Variants in SGO2 observed in about 807,000 individuals in gnomAD.
SGO2 encodes the protein shugoshin 2.
A neutral mutation model predicts 99.5 loss-of-function variants in SGO2; 68 were observed. The ratio of observed to expected loss-of-function variants is 0.68; its 90% CI spans 0.56 to 0.84. The LOEUF (loss-of-function observed/expected upper bound fraction) is 0.84. SGO2 is among the 40% of genes least tolerant of loss of function. The pLI is 0.00. For missense variants in SGO2, 1,350 were observed against 1,436.7 expected, an observed-to-expected ratio of 0.94 and a Z score of 0.97; for synonymous variants, 457 against 487.1, an observed-to-expected ratio of 0.94 and a Z score of 0.81.
intron 5 of SGO2, among the ~76,000 whole-genome samples, chr2:200,548,729 TAATA>T (rs1156283145): frequency 6.6e-6 from 1 of 152,036 alleles, no homozygotes; most frequent in African/African-American, 2.4e-5. Flanking sequence ...GAGAGGACTA[TAATA>T]AATAAAATCA....
chr2:200,543,890 A>G (rs1188452693), intron 5 of SGO2, among the ~76,000 whole-genome samples: 1 of 152,236 alleles, frequency 6.6e-6, no homozygotes, highest in Non-Finnish European at 1.5e-5. Flanking sequence ...TATTATACAT[A>G]TTCAAACATG....
chr2:200,532,823 A>G (rs560003769), intron 1 of SGO2, among the ~76,000 whole-genome samples, 151 bp from the exon 2 acceptor site: 1 of 152,318 alleles, frequency 6.6e-6, no homozygotes, highest in South Asian at 2.1e-4. Flanking sequence ...ACTTTTGATT[A>G]CATTCATACT....
chr2:200,583,575 CTTTG>C lies in SGO2; in HGVS notation c.*112_*115del. The C allele has an allele frequency of 1.1e-6, 1 of 947,356 alleles. No individual in the cohort carries two copies. The highest frequency in any genetic ancestry group is 1.5e-6 in the Non-Finnish European group (1 of 651,270). 58.7% of individuals were successfully genotyped at this position (947,356 alleles called of 1,614,324 possible). ...TAATGAAAAGGTTTTTTTTTTGTTT[CTTTG>C]GCCTTTCATGGAGTGTTGATTTGTC... On this transcript the variant is annotated 3_prime_UTR_variant, in exon 9 of 9. Transcript: ENST00000357799.
chr2:200,563,764 A>G (rs1259078726), intron 5 of SGO2, among the ~76,000 whole-genome samples: 1 of 152,214 alleles, frequency 6.6e-6, no homozygotes. Flanking sequence ...CAGGGATTCA[A>G]CTTCTTCCTG....
rs767191207 is a variant in SGO2, at chr2:200,571,723, GATGA to G, written c.1383_1386del (p.Glu462SerfsTer5). ...TTTTCAATAATGAACAGCTGGCTCA[GATGA>G]ATGAACAGCTGGCTCAGGTGAATGA... is the stretch of plus-strand genomic sequence containing the variant. On this transcript the variant is annotated frameshift_variant, in exon 7 of 9. Transcript: ENST00000357799. LOFTEE classifies it high-confidence loss of function. 42 of 1,613,506 alleles carry G rather than the reference GATGA, an allele frequency of 2.6e-5. No individual in the cohort carries two copies. The highest frequency in any genetic ancestry group is 3.4e-5 in the Non-Finnish European group (40 of 1,179,684).
intron 7 of SGO2, 132 bp from the exon 8 acceptor site, chr2:200,575,179 T>C (rs972125379): frequency 8.5e-6 from 4 of 471,898 alleles, no homozygotes; most frequent in Non-Finnish European, 1.5e-5. Flanking sequence ...CAAATGTTAG[T>C]CTCTTTCCTC....
chr2:200,579,547 C>T (rs1339912934), intron 8 of SGO2, among the ~76,000 whole-genome samples: 2 of 152,086 alleles, frequency 1.3e-5, no homozygotes, highest in African/African-American at 4.8e-5. Context: ...CCCTTGATGC[C>T]TATTGAGTGT....
chr2:200,559,442 GTTTC>G (rs1039902996), intron 5 of SGO2, among the ~76,000 whole-genome samples: 12 of 151,728 alleles, frequency 7.9e-5, no homozygotes, highest in East Asian at 1.9e-4. Context: ...GCTCTTTATT[GTTTC>G]TTTCTGTTTT....
chr2:200,569,666 T>A lies in SGO2; in HGVS notation c.477T>A (p.Val159=). 2.5e-6 allele frequency: 4 copies of A among 1,600,862 alleles called. No homozygotes were observed. Among genetic ancestry groups the A allele is most frequent in the Non-Finnish European group, 3.4e-6 (4 of 1,173,992 alleles). Reference sequence around the variant, plus strand: ...TTTCCTTCCCACTTGCCTTTAGGGTTCCATTAACTTCAAATGATGATGAAG... The same window carrying A: ...TTTCCTTCCCACTTGCCTTTAGGGTACCATTAACTTCAAATGATGATGAAG... ...CKLMRLPFAR[V]PLTSNDDEDE... is the part of the protein sequence containing the mutation. The change falls in exon 6 of 9, where the codon GTT becomes GTA. Residue 159 remains valine (V), a synonymous_variant. Coordinates refer to ENST00000357799, the MANE Select transcript of SGO2 (RefSeq NM_152524.6).
chr2:200,575,462 G>A lies in SGO2; in HGVS notation c.3782+1G>A, dbSNP rs774800635. On this transcript the variant is annotated splice_donor_variant, in intron 8 of 8. Transcript: ENST00000357799. LOFTEE classifies it high-confidence loss of function. ...ATTTTAAAGAGCCAAGCCTCAGAGAGTAAGTATTTCAAATGATTTTAGTAT... is the reference window on the plus strand; with the variant it reads ...ATTTTAAAGAGCCAAGCCTCAGAGAATAAGTATTTCAAATGATTTTAGTAT... 1.9e-6 allele frequency: 3 copies of A among 1,554,922 alleles called. No individual in the cohort carries two copies. Among genetic ancestry groups the A allele is most frequent in the Non-Finnish European group, 2.6e-6 (3 of 1,146,824 alleles).
rs780182664 is a variant in SGO2, at chr2:200,573,146, C to A, written c.2800C>A (p.Gln934Lys). 1 of 1,588,088 alleles carries A rather than the reference C, an allele frequency of 6.3e-7. No individual in the cohort carries two copies. The highest frequency in any genetic ancestry group is 1.2e-5 in the South Asian group (1 of 84,498). ...YEDNDKDAHV[Q>K]ESYTKDLDFK... ...GGATAATGATAAAGATGCACATGTC[C>A]AAGAAAGCTATACAAAAGATCTTGA... The change falls in exon 7 of 9, where the codon CAA (glutamine) becomes AAA (lysine). Residue 934 changes from glutamine (Q) to lysine (K), a missense_variant. Coordinates refer to ENST00000357799, the MANE Select transcript of SGO2 (RefSeq NM_152524.6).
chr2:200,536,609 G>A (rs1413436518), intron 4 of SGO2, among the ~76,000 whole-genome samples: 4 of 152,082 alleles, frequency 2.6e-5, no homozygotes, highest in African/African-American at 9.7e-5. Flanking sequence ...GAATTCAGAG[G>A]GCTGAGGTCA....
At chr2:200,558,573 A>G (rs532591446) in intron 5 of SGO2, among the ~76,000 whole-genome samples, 1 of 152,216 alleles carries the variant, frequency 6.6e-6, no homozygotes, top group Non-Finnish European at 1.5e-5. Context: ...ATATTTTTGC[A>G]TCATTTTACA....
At chr2:200,545,623 C>T (rs7607860) in intron 5 of SGO2, among the ~76,000 whole-genome samples, 120,107 of 151,684 alleles carry the variant, frequency 0.79, 47,774 homozygotes, top group Non-Finnish European at 0.83. Context: ...AGATACTTCC[C>T]GGGGCCAAAA....
intron 5 of SGO2, among the ~76,000 whole-genome samples, chr2:200,564,907 T>G (rs1469670897): frequency 6.6e-6 from 1 of 152,194 alleles, no homozygotes; most frequent in Admixed American, 6.5e-5. Flanking sequence ...TGTTTTCCAT[T>G]TGCTTGGTAG....
At position 200,569,772 on chromosome 2, in the gene SGO2, A is replaced by G. The variant is rs1421796175; in HGVS notation, c.583A>G (p.Thr195Ala). ...LPDIPSSGST[T>A]QPLSTQDNSE... The stretch of plus-strand genomic sequence containing the variant: ...TGATATTCCCTCTTCAGGATCAACA[A>G]CACAACCTTTATCAACTCAGGATAA... Residue 195 changes from threonine to alanine, a missense_variant, in exon 6 of 9, where the codon ACA (threonine) becomes GCA (alanine). By Grantham distance (58) the Thr-to-Ala change is moderately conservative. Transcript: ENST00000357799. 1.2e-6 allele frequency: 2 copies of G among 1,612,482 alleles called. No individual in the cohort carries two copies. Among genetic ancestry groups the G allele is most frequent in the Admixed American group, 1.7e-5 (1 of 59,994 alleles).
chr2:200,556,366 A>G (rs944348498), intron 5 of SGO2, among the ~76,000 whole-genome samples: 3 of 152,356 alleles, frequency 2.0e-5, no homozygotes, highest in South Asian at 4.1e-4. Flanking sequence ...CAAACAGCCA[A>G]TATTTCTCGC....
intron 5 of SGO2, among the ~76,000 whole-genome samples, chr2:200,566,666 A>G (rs1259192356): frequency 6.6e-6 from 1 of 152,180 alleles, no homozygotes; most frequent in Non-Finnish European, 1.5e-5. Context: ...CCTCCGCCAG[A>G]GGTGGAGTCT....
intron 5 of SGO2, among the ~76,000 whole-genome samples, chr2:200,548,103 CAAAG>C (rs2032321688): frequency 6.7e-6 from 1 of 148,570 alleles, no homozygotes; most frequent in African/African-American, 2.5e-5. Context: ...AGAAAATCAA[CAAAG>C]AAACAGCATA....
Sources: gnomAD v4.1 joint callset for allele counts (sites outside exome capture counted in the v4.1 genomes callset) on GRCh38, gnomAD v4.1.1 for gene constraint, MANE v1.5 for transcripts, NCBI Gene and HGNC (gene_info 2026-07-23, HGNC 2026-07-21) for gene names.